The following EXOC4 variants were observed in gnomAD, a reference collection of about 807,000 sequenced individuals.
EXOC4 encodes the protein exocyst complex component 4.
EXOC4 carries 71 observed loss-of-function variants against 107.2 expected under a neutral mutation model. The ratio of observed to expected loss-of-function variants is 0.66; its 90% confidence interval spans 0.55 to 0.81. The LOEUF is 0.81. Ranked by LOEUF, EXOC4 falls within the 30% of genes least tolerant of loss-of-function variation. The probability of loss-of-function intolerance (pLI) is 0.00; values close to 1 mark genes in which losing one functional copy is unlikely to be tolerated. For synonymous variants in EXOC4, 456 were observed against 441.2 expected (o/e 1.03, Z -0.42); for missense variants, 1,108 against 1,189.6 (o/e 0.93, Z 1.01).
chr7:133,420,048 C>A (rs1162307826), intron 7 of EXOC4, among the ~76,000 whole-genome samples: 1 of 147,674 alleles, frequency 6.8e-6, no homozygotes, highest in Non-Finnish European at 1.5e-5. Context: ...TATACATGTG[C>A]CATGCTGGTG....
intron 11 of EXOC4, among the ~76,000 whole-genome samples, chr7:133,887,292 A>G (rs746879093): frequency 2.6e-5 from 4 of 152,224 alleles, no homozygotes; most frequent in Non-Finnish European, 5.9e-5. Context: ...CATATATATG[A>G]CATTCTGAGA....
chr7:133,736,088 C>CA lies in EXOC4; in HGVS notation c.1515-81226dup, dbSNP rs113745475. Among the ~76,000 whole-genome samples, 538 of 142,778 alleles carry CA rather than the reference C, an allele frequency of 3.8e-3. 3 individuals carry two copies. Among genetic ancestry groups the CA allele is most frequent in the African/African-American group, 0.011 (415 of 39,158 alleles). The allele number at this position is 142,778 out of a possible 152,430, so 93.7% of individuals were successfully genotyped here. A position where few individuals can be genotyped will look rare whatever the true frequency, so the allele number is the denominator to read the frequency against. ...TGGGTGACAGAGGGAGACCCTGTCTCAAAAAAAAAAAGATATTTATTTTCT... is the reference window on the plus strand; with the variant it reads ...TGGGTGACAGAGGGAGACCCTGTCTCAAAAAAAAAAAAGATATTTATTTTCT... On this transcript the variant is annotated intron_variant, in intron 10 of 17. Transcript: ENST00000253861.
At chr7:133,989,829 G>A (rs971123068) in intron 14 of EXOC4, among the ~76,000 whole-genome samples, 3 of 152,164 alleles carry the variant, frequency 2.0e-5, no homozygotes, top group African/African-American at 7.2e-5. Context: ...CAGGGAGCAG[G>A]TAGGACAAAG....
intron 14 of EXOC4, among the ~76,000 whole-genome samples, chr7:133,989,649 G>T (rs749234306): frequency 6.6e-6 from 1 of 152,188 alleles, no homozygotes; most frequent in Non-Finnish European, 1.5e-5. Context: ...GAGGACTGAA[G>T]AGCAGCCAGT....
chr7:134,053,531 T>C (rs988297766), intron 17 of EXOC4, among the ~76,000 whole-genome samples: 3 of 150,928 alleles, frequency 2.0e-5, no homozygotes, highest in African/African-American at 7.3e-5. Flanking sequence ...TCTTAACCAT[T>C]GTATATGCTG....
At chr7:133,573,767 C>G (rs1385701651) in intron 9 of EXOC4, among the ~76,000 whole-genome samples, 1 of 152,226 alleles carries the variant, frequency 6.6e-6, no homozygotes, top group Non-Finnish European at 1.5e-5. Context: ...GATCCTCCCA[C>G]CTTGGCCTCA....
rs575301800 is a variant in EXOC4, at chr7:133,571,224, G to A, written c.1418-58821G>A. ...GAACTGTGTTGCAATAAGCCCCTTT[G>A]ATGGGGCTTAACTTGAAAGGGAGCC... is the stretch of plus-strand genomic sequence containing the variant. On this transcript the variant is annotated intron_variant, in intron 9 of 17. Transcript: ENST00000253861. Among the ~76,000 whole-genome samples, 5 of 152,306 alleles carry A rather than the reference G, an allele frequency of 3.3e-5. No individual in the cohort carries two copies. In the South Asian group the frequency reaches 1.0e-3, roughly 32 times the overall value.
intron 17 of EXOC4, among the ~76,000 whole-genome samples, chr7:134,029,808 A>G (rs986442068): frequency 6.6e-6 from 1 of 152,202 alleles, no homozygotes; most frequent in African/African-American, 2.4e-5. Context: ...GGCATGAGCC[A>G]CCATGCCTGG....
At chr7:133,528,994 T>TATA (rs1350492774) in intron 9 of EXOC4, among the ~76,000 whole-genome samples, 1 of 152,126 alleles carries the variant, frequency 6.6e-6, no homozygotes, top group Non-Finnish European at 1.5e-5. Context: ...GGGAATGGAA[T>TATA]ATAGCTCATT....
chr7:133,576,791 C>A (rs975356820), intron 9 of EXOC4: 2 of 1,289,216 alleles, frequency 1.6e-6, no homozygotes, highest in African/African-American at 3.0e-5. Flanking sequence ...ACCCAGACAG[C>A]CCTTCTGTGC....
intron 10 of EXOC4, among the ~76,000 whole-genome samples, chr7:133,679,487 CCT>C (rs1794138160): frequency 6.6e-6 from 1 of 152,010 alleles, no homozygotes; most frequent in East Asian, 1.9e-4. Context: ...GAGAGCAGAG[CCT>C]TTAGCCTGAT....
At chr7:133,989,680 C>A (rs985224789) in intron 14 of EXOC4, among the ~76,000 whole-genome samples, 1 of 152,162 alleles carries the variant, frequency 6.6e-6, no homozygotes, top group African/African-American at 2.4e-5. Flanking sequence ...ATTACAGTAT[C>A]ATTGATGGCT....
intron 9 of EXOC4, among the ~76,000 whole-genome samples, chr7:133,568,886 A>G (rs1223318956): frequency 6.6e-6 from 1 of 152,180 alleles, no homozygotes; most frequent in Non-Finnish European, 1.5e-5. Context: ...GGATTTATTT[A>G]GAAGAACAGA....
At chr7:133,272,239 C>T (rs1185973230) in intron 1 of EXOC4, among the ~76,000 whole-genome samples, 3 of 152,058 alleles carry the variant, frequency 2.0e-5, no homozygotes, top group African/African-American at 4.8e-5. Context: ...AGGGTGGAGC[C>T]ACAATTCTAA....
At chr7:133,933,379 C>A (rs1169312498) in intron 13 of EXOC4, among the ~76,000 whole-genome samples, 1 of 152,106 alleles carries the variant, frequency 6.6e-6, no homozygotes, top group Non-Finnish European at 1.5e-5. Context: ...GAAGGCAAGT[C>A]CTCAGATGGG....
chr7:133,440,280 A>G (rs983305520), intron 7 of EXOC4, among the ~76,000 whole-genome samples: 2 of 152,162 alleles, frequency 1.3e-5, no homozygotes, highest in African/African-American at 4.8e-5. Flanking sequence ...TTCAGAGGAA[A>G]GTAAGGTACT....
chr7:133,952,156 T>G (rs1479038185), intron 14 of EXOC4, among the ~76,000 whole-genome samples: 1 of 141,318 alleles, frequency 7.1e-6, no homozygotes, highest in Admixed American at 7.0e-5. Context: ...AGACTGTGTC[T>G]CAGAAAAAAA....
At chr7:134,055,427 A>G (rs1158271182) in intron 17 of EXOC4, among the ~76,000 whole-genome samples, 1 of 152,172 alleles carries the variant, frequency 6.6e-6, no homozygotes, top group Non-Finnish European at 1.5e-5. Context: ...AATAGAACGA[A>G]TTGGCACCTG....
chr7:133,991,337 T>C (rs1487279187), intron 14 of EXOC4, among the ~76,000 whole-genome samples: 1 of 152,166 alleles, frequency 6.6e-6, no homozygotes, highest in Non-Finnish European at 1.5e-5. Flanking sequence ...CCCTTACATA[T>C]TCTGGTTATT....
Sources: gnomAD v4.1 joint callset for allele counts (sites outside exome capture counted in the v4.1 genomes callset) on GRCh38, gnomAD v4.1.1 for gene constraint, MANE v1.5 for transcripts, NCBI Gene and HGNC (gene_info 2026-07-23, HGNC 2026-07-21) for gene names.